The following MCTP1 variants were observed in gnomAD, a reference collection of about 807,000 sequenced individuals.
MCTP1 encodes multiple C2 and transmembrane domain containing 1.
In MCTP1, 69 loss-of-function variants were observed where a neutral mutation model predicts 120.6. That is an observed-to-expected ratio of 0.57 (90% confidence interval 0.47 to 0.70). The LOEUF (loss-of-function observed/expected upper bound fraction) is 0.70. MCTP1 is among the 30% of genes least tolerant of loss of function. The pLI is 0.00. For synonymous variants in MCTP1, 529 were observed against 493.1 expected, an observed-to-expected ratio of 1.07 and a Z score of -0.96; for missense variants, 1,203 against 1,248.8, an observed-to-expected ratio of 0.96 and a Z score of 0.55.
intron 19 of MCTP1, among the ~76,000 whole-genome samples, chr5:94,732,587 A>G (rs561083598): frequency 6.6e-6 from 1 of 152,338 alleles, no homozygotes; most frequent in Non-Finnish European, 1.5e-5. Context: ...CCAAATTCAT[A>G]TGTTGAAAAC....
chr5:95,251,262 G>A lies in MCTP1; in HGVS notation c.720+32594C>T, dbSNP rs558280373. Among the ~76,000 whole-genome samples the A allele has an allele frequency of 3.3e-5, 5 of 152,112 alleles. No homozygotes were observed. In the South Asian group the frequency reaches 8.3e-4, roughly 25 times the overall value. Reference sequence around the variant, plus strand: ...AAGCACTTTGCAAGCAGAAGGGAAAGCAAGCGCAAAGACCCTGAAGTGAGA... The same window carrying A: ...AAGCACTTTGCAAGCAGAAGGGAAAACAAGCGCAAAGACCCTGAAGTGAGA... On this transcript the variant is annotated intron_variant, in intron 1 of 22. Coordinates refer to ENST00000515393, the MANE Select transcript of MCTP1 (RefSeq NM_024717.7).
At chr5:94,905,844 A>C (rs923332303) in intron 10 of MCTP1, among the ~76,000 whole-genome samples, 21 of 152,208 alleles carry the variant, frequency 1.4e-4, no homozygotes, top group Non-Finnish European at 1.3e-4. Flanking sequence ...CAATGAAGTC[A>C]CCATGGGAGC....
At chr5:94,886,101 C>T (rs1801275670) in intron 12 of MCTP1, among the ~76,000 whole-genome samples, 1 of 152,142 alleles carries the variant, frequency 6.6e-6, no homozygotes, top group African/African-American at 2.4e-5. Context: ...ACTGAAGTGA[C>T]CTACTGTAGT....
chr5:94,866,700 A>T (rs1160190986), intron 17 of MCTP1, among the ~76,000 whole-genome samples: 1 of 151,664 alleles, frequency 6.6e-6, no homozygotes, highest in Non-Finnish European at 1.5e-5. Context: ...TCACTCAAGT[A>T]ATATCATGTA....
At chr5:94,888,664 T>G (rs1201463467) in intron 12 of MCTP1, among the ~76,000 whole-genome samples, 2 of 152,180 alleles carry the variant, frequency 1.3e-5, no homozygotes, top group Admixed American at 1.3e-4. Flanking sequence ...GTCATTTTGT[T>G]TTTTAGTGTT....
intron 1 of MCTP1, among the ~76,000 whole-genome samples, chr5:95,059,942 G>A (rs1748490071): frequency 6.6e-6 from 1 of 152,160 alleles, no homozygotes; most frequent in Non-Finnish European, 1.5e-5. Context: ...AGGATGGAGA[G>A]AAACCCAATA....
chr5:94,752,508 G>A (rs1768732274), intron 19 of MCTP1, among the ~76,000 whole-genome samples: 1 of 152,050 alleles, frequency 6.6e-6, no homozygotes, highest in Admixed American at 6.5e-5. Flanking sequence ...AGGTGCCTAA[G>A]GACCACCCAG....
At chr5:95,037,639 G>A (rs564663889) in intron 1 of MCTP1, among the ~76,000 whole-genome samples, 1 of 152,320 alleles carries the variant, frequency 6.6e-6, no homozygotes, top group East Asian at 1.9e-4. Context: ...GCCAAGGCAG[G>A]TGGATCACTT....
chr5:95,124,187 T>A (rs546153345), intron 1 of MCTP1, among the ~76,000 whole-genome samples: 3 of 152,178 alleles, frequency 2.0e-5, no homozygotes, highest in Non-Finnish European at 4.4e-5. Context: ...AGATCTCAGA[T>A]AAATGAAGGT....
At chr5:94,974,432 C>T (rs1369525800) in intron 2 of MCTP1, among the ~76,000 whole-genome samples, 1 of 151,868 alleles carries the variant, frequency 6.6e-6, no homozygotes, top group Non-Finnish European at 1.5e-5. Flanking sequence ...GCCTGTAGTC[C>T]CAGTTACTTG....
At chr5:94,769,904 C>A (rs1773677034) in intron 19 of MCTP1, among the ~76,000 whole-genome samples, 2 of 152,186 alleles carry the variant, frequency 1.3e-5, no homozygotes, top group African/African-American at 4.8e-5. Context: ...GTCAACTCTA[C>A]AGATATTCTG....
At chr5:95,166,156 G>C (rs573305463) in intron 1 of MCTP1, 1 of 152,314 alleles carries the variant, frequency 6.6e-6, no homozygotes, top group Admixed American at 6.5e-5. Flanking sequence ...GTGAGCTCCA[G>C]TGTTGTATAG....
chr5:94,997,323 A>C (rs140026966), intron 2 of MCTP1, among the ~76,000 whole-genome samples: 1 of 152,298 alleles, frequency 6.6e-6, no homozygotes, highest in Non-Finnish European at 1.5e-5. Context: ...TCCAAAAGAA[A>C]TGCAATTTTT....
chr5:95,016,812 T>C (rs1837203152), intron 2 of MCTP1, among the ~76,000 whole-genome samples: 1 of 152,122 alleles, frequency 6.6e-6, no homozygotes, highest in Admixed American at 6.6e-5. Flanking sequence ...CATTGGGATT[T>C]GGAATCCGGG....
At chr5:94,939,196 T>C (rs1816942809) in intron 5 of MCTP1, among the ~76,000 whole-genome samples, 2 of 152,050 alleles carry the variant, frequency 1.3e-5, no homozygotes, top group Admixed American at 1.3e-4. Flanking sequence ...TATTTTTACC[T>C]GCAGTCTAGG....
At chr5:94,953,945 TATATATGCATATATATACAA>T (rs1561917120) in intron 2 of MCTP1, among the ~76,000 whole-genome samples, 11 of 68,538 alleles carry the variant, frequency 1.6e-4, no homozygotes, top group African/African-American at 4.3e-4. Flanking sequence ...TATATACAAA[TATATATGCATATATATACAA>T]ATATATATAT....
At chr5:94,895,488 C>T (rs760520692) in intron 10 of MCTP1, among the ~76,000 whole-genome samples, 43 of 152,226 alleles carry the variant, frequency 2.8e-4, no homozygotes, top group Non-Finnish European at 4.6e-4. Flanking sequence ...ACCCTGAAAA[C>T]GCTTTTCATA....
Position 94,894,758 on chromosome 5 carries a change from T to G in MCTP1, c.1730A>C (p.His577Pro), listed in dbSNP as rs1234247042. Reference sequence around the variant, plus strand: ...TGTCAGAGTGACCAGCAGCACCAGGTGTCCCTCACCCTCTTCCAGCTGCAA... The same window carrying G: ...TGTCAGAGTGACCAGCAGCACCAGGGGTCCCTCACCCTCTTCCAGCTGCAA... ...LELQLEEGEG[H>P]LVLLVTLTAS... Residue 577 changes from histidine (H) to proline (P), a missense_variant, in exon 11 of 23, where the codon CAC becomes CCC. This residue lies in a region of MCTP1 where 740 missense variants were observed against 871.1 expected (regional missense o/e 0.85). Coordinates refer to ENST00000515393, the MANE Select transcript of MCTP1 (RefSeq NM_024717.7). 1 of 1,613,754 alleles carries G rather than the reference T, an allele frequency of 6.2e-7. No homozygotes were observed. Among genetic ancestry groups the G allele is most frequent in the Non-Finnish European group, 8.5e-7 (1 of 1,179,754 alleles).
chr5:94,725,277 G>A (rs1761875086), intron 19 of MCTP1, among the ~76,000 whole-genome samples: 1 of 152,194 alleles, frequency 6.6e-6, no homozygotes, highest in African/African-American at 2.4e-5. Flanking sequence ...AGATAAAAAG[G>A]ACTGTGAATA....
Sources: allele counts gnomAD v4.1 joint callset (sites outside exome capture counted in the v4.1 genomes callset), GRCh38; gene constraint gnomAD v4.1.1; regional missense constraint gnomAD v4.1.1; transcripts MANE v1.5; gene names NCBI Gene and HGNC (gene_info 2026-07-23, HGNC 2026-07-21).